The following SCFD2 variants were observed in gnomAD, a reference collection of about 807,000 sequenced individuals.
SCFD2 encodes sec1 family domain containing 2.
Under a neutral mutation model 58.9 loss-of-function variants are expected in SCFD2, and 54 were observed. The ratio of observed to expected loss-of-function variants is 0.92; its 90% CI spans 0.74 to 1.15. The LOEUF (loss-of-function observed/expected upper bound fraction) is 1.15. SCFD2 is among the 50% of genes most tolerant of loss of function. SCFD2 has a pLI of 0.00. For missense variants in SCFD2, 805 were observed against 836.6 expected, an observed-to-expected ratio of 0.96 and a Z score of 0.47; for synonymous variants, 321 against 335.9, an observed-to-expected ratio of 0.96 and a Z score of 0.49.
intron 4 of SCFD2, among the ~76,000 whole-genome samples, chr4:53,241,590 C>G (rs1247506077): frequency 2.0e-5 from 3 of 152,218 alleles, no homozygotes; most frequent in Non-Finnish European, 4.4e-5. Flanking sequence ...ATCCTCCCAC[C>G]ACTGCAGCCT....
chr4:53,204,655 T>C (rs1728353659), intron 4 of SCFD2, among the ~76,000 whole-genome samples: 1 of 147,588 alleles, frequency 6.8e-6, no homozygotes, highest in Non-Finnish European at 1.5e-5. Flanking sequence ...TTTTAAAAAA[T>C]CAAGAAAATT....
At chr4:52,975,180 T>G (rs1721218112) in intron 5 of SCFD2, among the ~76,000 whole-genome samples, 1 of 152,160 alleles carries the variant, frequency 6.6e-6, no homozygotes, top group South Asian at 2.1e-4. Flanking sequence ...GGGATCTTAT[T>G]AAACTAAAGA....
chr4:53,182,747 C>A (rs1330753460), intron 4 of SCFD2, among the ~76,000 whole-genome samples: 1 of 151,902 alleles, frequency 6.6e-6, no homozygotes, highest in African/African-American at 2.4e-5. Context: ...TTTTTGCAAC[C>A]TACTCATCTG....
At chr4:53,120,573 G>C (rs1331119561) in intron 5 of SCFD2, among the ~76,000 whole-genome samples, 1 of 152,122 alleles carries the variant, frequency 6.6e-6, no homozygotes. Flanking sequence ...AAGCGTTCAT[G>C]GTTAACATCA....
At chr4:53,353,675 A>G (rs1277173254) in intron 1 of SCFD2, among the ~76,000 whole-genome samples, 1 of 152,142 alleles carries the variant, frequency 6.6e-6, no homozygotes, top group Non-Finnish European at 1.5e-5. Context: ...TGGTGCATTT[A>G]CAATCCTTTA....
chr4:53,232,258 C>T (rs1377708285), intron 4 of SCFD2, among the ~76,000 whole-genome samples: 2 of 152,044 alleles, frequency 1.3e-5, no homozygotes, highest in East Asian at 1.9e-4. Flanking sequence ...CCTATGTGGA[C>T]GAACTACTCA....
At chr4:53,342,284 C>CA (rs923063564) in intron 2 of SCFD2, among the ~76,000 whole-genome samples, 6 of 150,768 alleles carry the variant, frequency 4.0e-5, no homozygotes, top group Non-Finnish European at 5.9e-5. Flanking sequence ...AAATGGAAAA[C>CA]AAAAAAAAGG....
chr4:53,250,187 A>G (rs1004451133), intron 4 of SCFD2, among the ~76,000 whole-genome samples: 3 of 152,242 alleles, frequency 2.0e-5, no homozygotes, highest in Non-Finnish European at 4.4e-5. Flanking sequence ...ACCAACAAAG[A>G]TCAAAAGAGA....
At chr4:52,949,262 T>A (rs1407633017) in intron 5 of SCFD2, 1 of 142,278 alleles carries the variant, frequency 7.0e-6, no homozygotes, top group African/African-American at 3.1e-5. Context: ...TTTACATAAA[T>A]ATTTCACAAA....
At chr4:53,051,632 T>C (rs1044494050) in intron 5 of SCFD2, among the ~76,000 whole-genome samples, 6 of 152,174 alleles carry the variant, frequency 3.9e-5, no homozygotes, top group Non-Finnish European at 5.9e-5. Flanking sequence ...CTAGATTTAA[T>C]TACATTGGTT....
At chr4:53,155,535 A>C (rs1215496108) in intron 4 of SCFD2, among the ~76,000 whole-genome samples, 1 of 152,248 alleles carries the variant, frequency 6.6e-6, no homozygotes, top group African/African-American at 2.4e-5. Context: ...AGAACAGACT[A>C]AGACATAGGG....
chr4:53,276,086 G>T (rs1731318261), intron 3 of SCFD2, among the ~76,000 whole-genome samples: 1 of 151,372 alleles, frequency 6.6e-6, no homozygotes, highest in Non-Finnish European at 1.5e-5. Context: ...TCTAGGAGCA[G>T]GTTTCTAGGA....
intron 5 of SCFD2, among the ~76,000 whole-genome samples, chr4:53,068,205 A>C (rs1723718015): frequency 6.6e-6 from 1 of 152,136 alleles, no homozygotes; most frequent in Admixed American, 6.6e-5. Flanking sequence ...AGAAATATTA[A>C]GAAGAAAGCA....
intron 5 of SCFD2, among the ~76,000 whole-genome samples, chr4:52,975,047 G>A (rs1412747065): frequency 3.3e-5 from 5 of 152,112 alleles, no homozygotes; most frequent in African/African-American, 1.2e-4. Flanking sequence ...TTAAATGTTA[G>A]ACCTAAAACC....
intron 3 of SCFD2, among the ~76,000 whole-genome samples, chr4:53,304,298 A>G (rs909061476): frequency 7.2e-5 from 11 of 151,848 alleles, no homozygotes; most frequent in African/African-American, 2.7e-4. Context: ...TCTGACGTTT[A>G]TGTGTCTTGG....
At chr4:53,076,683 T>C (rs182444791) in intron 5 of SCFD2, among the ~76,000 whole-genome samples, 25 of 152,288 alleles carry the variant, frequency 1.6e-4, no homozygotes, top group East Asian at 5.8e-4. Flanking sequence ...GGTCTGAGCA[T>C]TGAAATATAA....
At chr4:52,976,519 CT>C (rs1349290296) in intron 5 of SCFD2, among the ~76,000 whole-genome samples, 12 of 152,238 alleles carry the variant, frequency 7.9e-5, no homozygotes, top group South Asian at 4.1e-4. Context: ...AGTAAAAATT[CT>C]GGTGGAGAGG....
At chr4:52,983,067 G>A (rs141318254) in intron 5 of SCFD2, among the ~76,000 whole-genome samples, 2 of 152,250 alleles carry the variant, frequency 1.3e-5, no homozygotes, top group Admixed American at 6.5e-5. Context: ...TTTTGACAGT[G>A]TTATGGTTCA....
intron 2 of SCFD2, among the ~76,000 whole-genome samples, chr4:53,322,494 G>A: frequency 6.6e-6 from 1 of 152,152 alleles, no homozygotes; most frequent in South Asian, 2.1e-4. Flanking sequence ...ATAAAATAGA[G>A]AGTATTTGAG....
Sources: allele counts gnomAD v4.1 joint callset (sites outside exome capture counted in the v4.1 genomes callset), GRCh38; gene constraint gnomAD v4.1.1; transcripts MANE v1.5; gene names NCBI Gene and HGNC (gene_info 2026-07-23, HGNC 2026-07-21).